The following CHERP variants were observed in gnomAD, a reference collection of about 807,000 sequenced individuals.
CHERP encodes the protein calcium homeostasis endoplasmic reticulum protein.
CHERP carries 8 observed loss-of-function variants against 113.8 expected under a neutral mutation model. That is an observed-to-expected ratio of 0.07 (90% CI 0.04 to 0.13). The LOEUF (loss-of-function observed/expected upper bound fraction) is 0.13, where lower values mean the gene tolerates loss of function less well. CHERP is among the 10% of genes least tolerant of loss of function. The probability of loss-of-function intolerance (pLI) is 1.00; values close to 1 mark genes in which losing one functional copy is unlikely to be tolerated. For missense variants in CHERP, 884 were observed against 1,298.2 expected (o/e 0.68, Z 4.90); for synonymous variants, 559 against 524.5 (o/e 1.07, Z -0.90).
rs760200081 is a variant in CHERP, at chr19:16,531,027, G to A, written c.675-147C>T. ...GTCAGGGCGATGGCTGGGCTCCCACGAGACCTGTGCTGGTGCCTGGGCTCG... is the reference window on the plus strand; with the variant it reads ...GTCAGGGCGATGGCTGGGCTCCCACAAGACCTGTGCTGGTGCCTGGGCTCG... On this transcript the variant is annotated intron_variant, in intron 5 of 16. Transcript: ENST00000546361. 703 of 1,329,810 alleles carry A rather than the reference G, an allele frequency of 5.3e-4. 4 individuals carry two copies. In the Middle Eastern group the frequency reaches 5.6e-3, roughly 11 times the overall value. The allele number at this position is 1,329,810 out of a possible 1,614,324, so 82.4% of individuals were successfully genotyped here.
chr19:16,519,702 G>T lies in CHERP; in HGVS notation c.2476C>A (p.Leu826Met). 2 of 1,613,638 alleles carry T rather than the reference G, an allele frequency of 1.2e-6. No individual in the cohort carries two copies. Among genetic ancestry groups the T allele is most frequent in the South Asian group, 2.2e-5 (2 of 91,050 alleles). Reference protein sequence around the residue: ...RSPTPPSSAGLGSNSAPPIPD... With the variant: ...RSPTPPSSAGMGSNSAPPIPD... ...ATGGGAGGCGCCGAATTAGAACCCA[G>T]ACCAGCAGAGGAACTAAAATCGAGA... Residue 826 changes from leucine to methionine, a missense_variant, in exon 16 of 17, where the codon CTG becomes ATG. Coordinates refer to ENST00000546361, the MANE Select transcript of CHERP (RefSeq NM_006387.6). This position sits in a 1 kb window ranked among gnomAD's most constrained non-coding sequence, Gnocchi z 6.0.
chr19:16,539,235 C>T (rs887535797), intron 2 of CHERP, among the ~76,000 whole-genome samples: 1 of 151,066 alleles, frequency 6.6e-6, no homozygotes, highest in Non-Finnish European at 1.5e-5. Flanking sequence ...GCAAGCTCTG[C>T]CTCCCAGGTT....
At chr19:16,529,972 C>A in intron 7 of CHERP, 72 bp from the exon 8 acceptor site, 2 of 1,533,764 alleles carry the variant, frequency 1.3e-6, no homozygotes, top group Non-Finnish European at 1.8e-6. Context: ...AGAGGACAAA[C>A]GCCTGGAAAG....
chr19:16,536,969 G>A (rs554137353), intron 2 of CHERP, among the ~76,000 whole-genome samples: 7 of 152,224 alleles, frequency 4.6e-5, no homozygotes, highest in African/African-American at 7.2e-5. Flanking sequence ...CCGAGATGGC[G>A]CCACTGCACT....
rs1266703173 is a variant in CHERP, at chr19:16,530,733, C to G, written c.786+36G>C. On this transcript the variant is annotated intron_variant, in intron 6 of 16. Coordinates refer to ENST00000546361, the MANE Select transcript of CHERP (RefSeq NM_006387.6). The surrounding 1 kb of genome is among the most constrained non-coding windows in gnomAD (Gnocchi z 4.1). The stretch of plus-strand genomic sequence containing the variant: ...GGGGAGGGGAAAGGCCTGTGTGTCC[C>G]GGTCTTGCCCAACCCCCGGCCCGGG... The G allele has an allele frequency of 1.2e-6, 2 of 1,613,960 alleles. No individual in the cohort carries two copies. Among genetic ancestry groups the G allele is most frequent in the Non-Finnish European group, 1.7e-6 (2 of 1,179,916 alleles).
Position 16,521,022 on chromosome 19 carries a change from T to C in CHERP, c.2115-110A>G, listed in dbSNP as rs1034165850. The C allele has an allele frequency of 9.6e-6, 9 of 935,950 alleles. No individual in the cohort carries two copies. In the Admixed American group the frequency reaches 1.5e-4, roughly 15 times the overall value. 58.0% of individuals were successfully genotyped at this position (935,950 alleles called of 1,614,324 possible). A position where few individuals can be genotyped will look rare whatever the true frequency, so the allele number is the denominator to read the frequency against. On this transcript the variant is annotated intron_variant, in intron 12 of 16. Coordinates refer to ENST00000546361, the MANE Select transcript of CHERP (RefSeq NM_006387.6). ...GAACCTTGGAGAGTACATGGCCCTG[T>C]GGCTGTGGGCTCCGAGCATGGGCGC...
rs1363074822 is a variant in CHERP at position 16,519,867 on chromosome 19, G to C, written c.2463-152C>G. 9.4e-6 allele frequency: 7 copies of C among 741,306 alleles called. No homozygotes were observed. Among genetic ancestry groups the C allele is most frequent in the Middle Eastern group, 3.5e-4 (1 of 2,896 alleles). The allele number at this position is 741,306 out of a possible 1,614,324, so 45.9% of individuals were successfully genotyped here. A position where few individuals can be genotyped will look rare whatever the true frequency, so the allele number is the denominator to read the frequency against. ...TTTTGCGTCTCTACCCGTTTATCCT[G>C]TCTCAGCTAGATAAGGGGGCTCCAG... On this transcript the variant is annotated intron_variant, in intron 15 of 16. Coordinates refer to ENST00000546361, the MANE Select transcript of CHERP (RefSeq NM_006387.6). This position sits in a 1 kb window ranked among gnomAD's most constrained non-coding sequence, Gnocchi z 6.0.
chr19:16,525,194 A>G lies in CHERP; in HGVS notation c.1741+48T>C. 1 of 1,379,416 alleles carries G rather than the reference A, an allele frequency of 7.2e-7. No homozygotes were observed. The highest frequency in any genetic ancestry group is 9.4e-7 in the Non-Finnish European group (1 of 1,062,086). The allele number at this position is 1,379,416 out of a possible 1,614,324, so 85.4% of individuals were successfully genotyped here. ...GCGCCACCAGCCTGCTCGGCAGGCG[A>G]GCCGTGGATGCCTCCGCCAGGCCCT... On this transcript the variant is annotated intron_variant, in intron 10 of 16. Transcript: ENST00000546361. This position sits in a 1 kb window ranked among gnomAD's most constrained non-coding sequence, Gnocchi z 6.5.
chr19:16,530,426 GGGAC>G lies in CHERP; in HGVS notation c.876+155_876+158del, dbSNP rs1452940278. Among the ~76,000 whole-genome samples, 2 of 152,222 alleles carry G rather than the reference GGGAC, an allele frequency of 1.3e-5. No homozygotes were observed. The highest frequency in any genetic ancestry group is 2.9e-5 in the Non-Finnish European group (2 of 68,032). ...ACCTAAGGCCTGGGAAATGTCACCT[GGGAC>G]TCTCTGGTCAACACACACTGGCTAC... is the stretch of plus-strand genomic sequence containing the variant. On this transcript the variant is annotated intron_variant, in intron 7 of 16. Coordinates refer to ENST00000546361, the MANE Select transcript of CHERP (RefSeq NM_006387.6). This position sits in a 1 kb window ranked among gnomAD's most constrained non-coding sequence, Gnocchi z 4.1.
chr19:16,518,958 T>C lies in CHERP; in HGVS notation c.*201A>G. On this transcript the variant is annotated 3_prime_UTR_variant, in exon 17 of 17. Coordinates refer to ENST00000546361, the MANE Select transcript of CHERP (RefSeq NM_006387.6). ...CTGCAGCGCCTCCTGGTGTGGTTTG[T>C]GGGTGGCACCCGTGCCCTCCACGCC... 1.7e-6 allele frequency: 1 copy of C among 595,830 alleles called. No individual in the cohort carries two copies. The highest frequency in any genetic ancestry group is 2.9e-6 in the Non-Finnish European group (1 of 343,868). 36.9% of individuals were successfully genotyped at this position (595,830 alleles called of 1,614,324 possible). A position where few individuals can be genotyped will look rare whatever the true frequency, so the allele number is the denominator to read the frequency against.
intron 10 of CHERP, among the ~76,000 whole-genome samples, chr19:16,524,961 C>G (rs1313212202): frequency 6.6e-6 from 1 of 152,112 alleles, no homozygotes; most frequent in Admixed American, 6.5e-5. Context: ...GTAAAAAGAA[C>G]GAGGCCCCGC....
Position 16,529,674 on chromosome 19 carries a change from G to A in CHERP, c.1103C>T (p.Pro368Leu). The A allele has an allele frequency of 6.4e-7, 1 of 1,556,342 alleles. No homozygotes were observed. Among genetic ancestry groups the A allele is most frequent in the Non-Finnish European group, 8.7e-7 (1 of 1,155,794 alleles). ...AGGCTGGGTGGTGGGCGGGATGGCAGGGGCAGGTGCTGGGGCCGGGGGTGG... is the reference window on the plus strand; with the variant it reads ...AGGCTGGGTGGTGGGCGGGATGGCAAGGGCAGGTGCTGGGGCCGGGGGTGG... ...PAPPPAPAPA[P>L]AIPPTTQPDD... Residue 368 changes from proline (P) to leucine (L), a missense_variant, in exon 8 of 17, where the codon CCT becomes CTT. Transcript: ENST00000546361.
At chr19:16,531,482 C>CG (rs1568509161) in intron 5 of CHERP, among the ~76,000 whole-genome samples, 3 of 152,116 alleles carry the variant, frequency 2.0e-5, no homozygotes, top group African/African-American at 7.2e-5. Context: ...CCTGCCGCTG[C>CG]GCAGGGAGAT....
At chr19:16,526,042 G>A in intron 9 of CHERP, 1 of 268,568 alleles carries the variant, frequency 3.7e-6, no homozygotes, top group Non-Finnish European at 7.0e-6. Flanking sequence ...CAGAGGCACA[G>A]ACGGTATCGC....
chr19:16,519,058 T>C lies in CHERP; in HGVS notation c.*101A>G. 2 of 1,051,352 alleles carry C rather than the reference T, an allele frequency of 1.9e-6. No homozygotes were observed. Among genetic ancestry groups the C allele is most frequent in the South Asian group, 1.4e-5 (1 of 70,114 alleles). The allele number at this position is 1,051,352 out of a possible 1,614,324, so 65.1% of individuals were successfully genotyped here. A position where few individuals can be genotyped will look rare whatever the true frequency, so the allele number is the denominator to read the frequency against. ...TGTGGCTCTCCACAAGTGGAGACGGTGTAAGAACTGAGCTGTCACTGCAAT... is the reference window on the plus strand; with the variant it reads ...TGTGGCTCTCCACAAGTGGAGACGGCGTAAGAACTGAGCTGTCACTGCAAT... On this transcript the variant is annotated 3_prime_UTR_variant, in exon 17 of 17. Coordinates refer to ENST00000546361, the MANE Select transcript of CHERP (RefSeq NM_006387.6). The surrounding 1 kb of genome is among the most constrained non-coding windows in gnomAD (Gnocchi z 6.0).
In CHERP at chr19:16,528,203, T is replaced by C. The variant is rs1599749840; in HGVS notation, c.1182A>G (p.Pro394=). 1 of 1,608,530 alleles carries C rather than the reference T, an allele frequency of 6.2e-7. No homozygotes were observed. Among genetic ancestry groups the C allele is most frequent in the East Asian group, 2.2e-5 (1 of 44,794 alleles). Residue 394 remains proline, a synonymous_variant, in exon 9 of 17, where the codon CCA becomes CCG. Coordinates refer to ENST00000546361, the MANE Select transcript of CHERP (RefSeq NM_006387.6). ...QMPGSSEYEA[P]GGVQDPAAAG... Reference sequence around the variant, plus strand: ...CAGCTGCAGGATCCTGGACCCCTCCTGGAGCTTCGTACTCTGAAGAGCCAG... The same window carrying C: ...CAGCTGCAGGATCCTGGACCCCTCCCGGAGCTTCGTACTCTGAAGAGCCAG...
In CHERP at chr19:16,535,303, G is replaced by C. The variant is rs1196815040; in HGVS notation, c.384+149C>G. 3 of 782,388 alleles carry C rather than the reference G, an allele frequency of 3.8e-6. No homozygotes were observed. Among genetic ancestry groups the C allele is most frequent in the Non-Finnish European group, 6.2e-6 (3 of 487,328 alleles). The allele number at this position is 782,388 out of a possible 1,614,324, so 48.5% of individuals were successfully genotyped here. A position where few individuals can be genotyped will look rare whatever the true frequency, so the allele number is the denominator to read the frequency against. ...CCTCTGTGTCTGGCATCAGGGCTGG[G>C]GGTGACAGTGGCTGACATGCACCGA... On this transcript the variant is annotated intron_variant, in intron 3 of 16. Coordinates refer to ENST00000546361, the MANE Select transcript of CHERP (RefSeq NM_006387.6). This position sits in a 1 kb window ranked among gnomAD's most constrained non-coding sequence, Gnocchi z 4.3.
At position 16,528,209 on chromosome 19, in the gene CHERP, T is replaced by C. The variant is rs1568507652; in HGVS notation, c.1176A>G (p.Glu392=). 4 of 1,603,900 alleles carry C rather than the reference T, an allele frequency of 2.5e-6. No individual in the cohort carries two copies. Among genetic ancestry groups the C allele is most frequent in the Non-Finnish European group, 2.5e-6 (3 of 1,176,644 alleles). Residue 392 remains glutamate, a synonymous_variant, in exon 9 of 17, where the codon GAA becomes GAG. Coordinates refer to ENST00000546361, the MANE Select transcript of CHERP (RefSeq NM_006387.6). ...CAGGATCCTGGACCCCTCCTGGAGC[T>C]TCGTACTCTGAAGAGCCAGGCATCT... The part of the protein sequence containing the change: ...PIQMPGSSEY[E]APGGVQDPAA...
intron 8 of CHERP, 120 bp from the exon 9 acceptor site, chr19:16,528,375 G>A (rs2085671022): frequency 1.0e-6 from 1 of 980,550 alleles, no homozygotes; most frequent in Non-Finnish European, 1.5e-6. Context: ...GATCGCTTCA[G>A]GACCCACTAA....
Sources: allele counts gnomAD v4.1 joint callset (sites outside exome capture counted in the v4.1 genomes callset), GRCh38; gene constraint gnomAD v4.1.1; non-coding constraint Gnocchi (gnomAD v3.1); transcripts MANE v1.5; gene names NCBI Gene and HGNC (gene_info 2026-07-23, HGNC 2026-07-21).